Variants in TMEM72 observed in about 807,000 individuals in gnomAD.
The protein encoded by TMEM72 is transmembrane protein 72, also known as kidney-specific secretory protein of 37 kDa.
In TMEM72, 9 loss-of-function variants were observed where a neutral mutation model predicts 16.3. That is an observed-to-expected ratio of 0.55 (90% CI 0.33 to 0.96). TMEM72 has a LOEUF of 0.96. Ranked by LOEUF, TMEM72 falls within the 40% of genes least tolerant of loss-of-function variation. The pLI is 0.03. For missense variants in TMEM72, 324 were observed against 337.8 expected, an observed-to-expected ratio of 0.96 and a Z score of 0.32; for synonymous variants, 160 against 146.5, an observed-to-expected ratio of 1.09 and a Z score of -0.66.
At chr10:44,915,700 G>A (rs1840003909) in intron 1 of TMEM72, among the ~76,000 whole-genome samples, 1 of 152,088 alleles carries the variant, frequency 6.6e-6, no homozygotes, top group Non-Finnish European at 1.5e-5. Context: ...TGGGGTCATG[G>A]TGAGGACACA....
intron 1 of TMEM72, among the ~76,000 whole-genome samples, chr10:44,926,141 A>C (rs1013395118): frequency 3.3e-5 from 5 of 151,990 alleles, no homozygotes; most frequent in African/African-American, 1.2e-4. Context: ...TCACACACTC[A>C]CATATATACT....
intron 1 of TMEM72, among the ~76,000 whole-genome samples, chr10:44,915,594 T>C (rs1342036363): frequency 6.6e-6 from 1 of 152,102 alleles, no homozygotes; most frequent in Admixed American, 6.5e-5. Flanking sequence ...AGATGCAGGA[T>C]GCAAAACACA....
rs1437575709 is a variant in TMEM72, at chr10:44,934,845, G to C, written c.539G>C (p.Ser180Thr). The change falls in exon 5 of 5, where the codon AGC becomes ACC. Residue 180 changes from serine (S) to threonine (T), a missense_variant. Coordinates refer to ENST00000389583, the MANE Select transcript of TMEM72 (RefSeq NM_001123376.3). Reference sequence around the variant, plus strand: ...CATGGGGCCCTCAAGGAGGGGCCCAGCTCCCTTTTCATCCACATGAAGAGT... The same window carrying C: ...CATGGGGCCCTCAAGGAGGGGCCCACCTCCCTTTTCATCCACATGAAGAGT... The part of the protein sequence containing the change: ...TFHGALKEGP[S>T]SLFIHMKSIL... 1 of 1,613,584 alleles carries C rather than the reference G, an allele frequency of 6.2e-7. No homozygotes were observed. Among genetic ancestry groups the C allele is most frequent in the Non-Finnish European group, 8.5e-7 (1 of 1,179,988 alleles).
rs534153573 is a variant in TMEM72, at chr10:44,933,771, T to A, written c.344T>A (p.Ile115Asn). The change falls in exon 4 of 5, where the codon ATC becomes AAC. Residue 115 changes from isoleucine (I) to asparagine (N), a missense_variant. Transcript: ENST00000389583. ...CCGGTCCTGGTCTGGCACGTGACCATCCCAGGTAAGAGCACAGGGGTAGAG... is the reference window on the plus strand; with the variant it reads ...CCGGTCCTGGTCTGGCACGTGACCAACCCAGGTAAGAGCACAGGGGTAGAG... The part of the protein sequence containing the change: ...LHPVLVWHVT[I>N]PGSMLIITGL... 4 of 1,613,512 alleles carry A rather than the reference T, an allele frequency of 2.5e-6. No homozygotes were observed. In the Admixed American group the frequency reaches 6.7e-5, roughly 27 times the overall value.
intron 1 of TMEM72, among the ~76,000 whole-genome samples, chr10:44,924,331 C>G (rs892457522): frequency 1.5e-4 from 23 of 152,212 alleles, no homozygotes; most frequent in Non-Finnish European, 2.9e-4. Flanking sequence ...ACGAGTGGCC[C>G]CTCCTGTCTG....
At chr10:44,926,552 G>C (rs982025688) in intron 1 of TMEM72, among the ~76,000 whole-genome samples, 2 of 152,142 alleles carry the variant, frequency 1.3e-5, no homozygotes. Flanking sequence ...AGCATCATCT[G>C]TCCTCGCCCC....
In TMEM72 at chr10:44,935,212, C is replaced by T. The variant is rs1276652364; in HGVS notation, c.*78C>T. On this transcript the variant is annotated 3_prime_UTR_variant, in exon 5 of 5. Transcript: ENST00000389583. The stretch of plus-strand genomic sequence containing the variant: ...GCCCTCCCTGGAGTTTCAGGGTCTT[C>T]TCTGGTCAGCTTTTCAAGGGGTAAC... The T allele has an allele frequency of 1.4e-6, 2 of 1,404,434 alleles. No individual in the cohort carries two copies. Among genetic ancestry groups the T allele is most frequent in the East Asian group, 4.8e-5 (2 of 42,052 alleles). 87.0% of individuals were successfully genotyped at this position (1,404,434 alleles called of 1,614,324 possible). A position where few individuals can be genotyped will look rare whatever the true frequency, so the allele number is the denominator to read the frequency against.
intron 1 of TMEM72, among the ~76,000 whole-genome samples, chr10:44,915,523 G>C (rs4543933): frequency 6.6e-6 from 1 of 151,686 alleles, no homozygotes; most frequent in Admixed American, 6.6e-5. Flanking sequence ...ACTCCTAATC[G>C]TTATTTCCTC....
chr10:44,912,709 G>A (rs554142423), intron 1 of TMEM72, among the ~76,000 whole-genome samples: 11 of 152,332 alleles, frequency 7.2e-5, no homozygotes, highest in Admixed American at 7.2e-4. Context: ...AACTGAGGAT[G>A]AAAACCTCTC....
At chr10:44,913,127 A>G (rs1839961209) in intron 1 of TMEM72, among the ~76,000 whole-genome samples, 1 of 152,128 alleles carries the variant, frequency 6.6e-6, no homozygotes, top group Admixed American at 6.5e-5. Flanking sequence ...GTTGTCGTCT[A>G]CACATAAGAG....
At chr10:44,931,256 T>C (rs1840290772) in intron 2 of TMEM72, among the ~76,000 whole-genome samples, 2 of 152,234 alleles carry the variant, frequency 1.3e-5, no homozygotes, top group Admixed American at 1.3e-4. Context: ...CCTCCGTAAG[T>C]ACATATTCCA....
intron 3 of TMEM72, among the ~76,000 whole-genome samples, chr10:44,933,160 G>T (rs1255571894): frequency 2.0e-5 from 3 of 152,206 alleles, no homozygotes; most frequent in South Asian, 2.1e-4. Flanking sequence ...AAGCCCTTCT[G>T]GGCCAACACT....
intron 1 of TMEM72, among the ~76,000 whole-genome samples, chr10:44,916,026 C>A (rs1186100992): frequency 6.6e-6 from 1 of 152,130 alleles, no homozygotes; most frequent in Non-Finnish European, 1.5e-5. Context: ...TGGGCTCAGT[C>A]CTATTTTACA....
At chr10:44,932,535 C>G (rs1188693739) in intron 3 of TMEM72, among the ~76,000 whole-genome samples, 1 of 152,208 alleles carries the variant, frequency 6.6e-6, no homozygotes, top group Admixed American at 6.5e-5. Flanking sequence ...AGTGCAGACC[C>G]TGCAGGATCT....
intron 1 of TMEM72, among the ~76,000 whole-genome samples, chr10:44,912,235 G>C (rs1336643847): frequency 6.6e-6 from 1 of 152,174 alleles, no homozygotes; most frequent in Non-Finnish European, 1.5e-5. Flanking sequence ...TCACCCAGCA[G>C]AATCACAGGG....
intron 1 of TMEM72, among the ~76,000 whole-genome samples, chr10:44,914,461 G>T (rs952624299): frequency 6.6e-6 from 1 of 152,200 alleles, no homozygotes; most frequent in African/African-American, 2.4e-5. Flanking sequence ...GCATGCATGC[G>T]CCCGTGTGAT....
chr10:44,911,659 C>T, intron 1 of TMEM72, 77 bp downstream of exon 1: 4 of 1,496,292 alleles, frequency 2.7e-6, no homozygotes, highest in Non-Finnish European at 3.6e-6. Flanking sequence ...TGGGAGGTGG[C>T]CAGGAGACAG....
In TMEM72 at chr10:44,931,912, T is replaced by A; in HGVS notation, c.138-86T>A. The A allele has an allele frequency of 1.5e-6, 2 of 1,368,698 alleles. 1 individual carries two copies. Among genetic ancestry groups the A allele is most frequent in the East Asian group, 4.9e-5 (2 of 40,494 alleles). The allele number at this position is 1,368,698 out of a possible 1,614,324, so 84.8% of individuals were successfully genotyped here. Reference sequence around the variant, plus strand: ...GAGTCCATTGGCTGTAGATGTGATGTCAGGAGGCCACGTGTGAGAAGACAG... The same window carrying A: ...GAGTCCATTGGCTGTAGATGTGATGACAGGAGGCCACGTGTGAGAAGACAG... On this transcript the variant is annotated intron_variant, in intron 2 of 4. Transcript: ENST00000389583.
At chr10:44,930,754 T>C (rs1294818825) in intron 2 of TMEM72, among the ~76,000 whole-genome samples, 1 of 152,224 alleles carries the variant, frequency 6.6e-6, no homozygotes, top group Admixed American at 6.5e-5. Context: ...AATCACTGTG[T>C]GCCAAGCATG....
Sources: gnomAD v4.1 joint callset for allele counts (sites outside exome capture counted in the v4.1 genomes callset) on GRCh38, gnomAD v4.1.1 for gene constraint, MANE v1.5 for transcripts, NCBI Gene and HGNC (gene_info 2026-07-23, HGNC 2026-07-21) for gene names.